The following AGBL1 variants were observed in gnomAD, a reference collection of about 807,000 sequenced individuals.
AGBL1 encodes cytosolic carboxypeptidase 4.
Under a neutral mutation model 118.9 loss-of-function variants are expected in AGBL1, and 130 were observed. That is an observed-to-expected ratio of 1.09 (90% CI 0.95 to 1.26). The LOEUF (loss-of-function observed/expected upper bound fraction) is 1.26, where lower values mean the gene tolerates loss of function less well. Ranked by LOEUF, AGBL1 falls within the 50% of genes most tolerant of loss-of-function variation. The pLI is 0.00. For missense variants in AGBL1, 1,584 were observed against 1,298.1 expected (o/e 1.22, Z -3.38); for synonymous variants, 555 against 478.9 (o/e 1.16, Z -2.08).
chr15:86,986,235 T>C (rs2081281070), intron 23 of AGBL1, among the ~76,000 whole-genome samples: 1 of 152,198 alleles, frequency 6.6e-6, no homozygotes, highest in South Asian at 2.1e-4. Context: ...GGATATCAAT[T>C]GTTAGAGTAC....
At chr15:86,771,418 C>T (rs760353452) in intron 22 of AGBL1, among the ~76,000 whole-genome samples, 5 of 151,644 alleles carry the variant, frequency 3.3e-5, no homozygotes, top group Admixed American at 1.3e-4. Context: ...CTTTCCAATG[C>T]GCTTAATGGT....
At chr15:86,359,232 C>T (rs1297680215) in intron 17 of AGBL1, among the ~76,000 whole-genome samples, 1 of 151,904 alleles carries the variant, frequency 6.6e-6, no homozygotes, top group East Asian at 1.9e-4. Flanking sequence ...TATTCTTCAG[C>T]ATGTGGATAT....
chr15:86,174,915 G>T (rs892288287), intron 5 of AGBL1, among the ~76,000 whole-genome samples: 1 of 151,854 alleles, frequency 6.6e-6, no homozygotes, highest in Admixed American at 6.6e-5. Flanking sequence ...GCTATATTTT[G>T]TTGAGGACTT....
intron 23 of AGBL1, among the ~76,000 whole-genome samples, chr15:86,961,869 T>C (rs1338212694): frequency 6.6e-6 from 1 of 151,954 alleles, no homozygotes; most frequent in East Asian, 1.9e-4. Context: ...CCTAGGATAA[T>C]CTTGATTCAG....
At chr15:86,588,070 T>A (rs1368269442) in intron 21 of AGBL1, among the ~76,000 whole-genome samples, 5 of 152,232 alleles carry the variant, frequency 3.3e-5, no homozygotes, top group Non-Finnish European at 7.3e-5. Context: ...TATAAACTTA[T>A]GTAAAGGTAT....
intron 22 of AGBL1, among the ~76,000 whole-genome samples, chr15:86,773,588 T>G (rs1416140064): frequency 6.8e-6 from 1 of 146,550 alleles, no homozygotes; most frequent in East Asian, 2.1e-4. Context: ...CACCTATGAG[T>G]GAGAACATGT....
At chr15:86,842,606 A>C (rs1170906033) in intron 22 of AGBL1, among the ~76,000 whole-genome samples, 1 of 152,234 alleles carries the variant, frequency 6.6e-6, no homozygotes, top group Non-Finnish European at 1.5e-5. Flanking sequence ...GGCTCATGCT[A>C]ATATAAAGAA....
intron 17 of AGBL1, among the ~76,000 whole-genome samples, chr15:86,332,603 G>A (rs111732140): frequency 2.8e-5 from 4 of 145,048 alleles, no homozygotes; most frequent in Admixed American, 1.4e-4. Flanking sequence ...CCAAGATTGC[G>A]CCACTGCACT....
intron 21 of AGBL1, among the ~76,000 whole-genome samples, chr15:86,623,610 A>G (rs906327542): frequency 1.3e-5 from 2 of 152,222 alleles, no homozygotes; most frequent in Non-Finnish European, 2.9e-5. Flanking sequence ...GTTATCTGAT[A>G]GAAGCAGACA....
intron 21 of AGBL1, among the ~76,000 whole-genome samples, chr15:86,584,504 G>T (rs1399654728): frequency 6.6e-6 from 1 of 152,072 alleles, no homozygotes; most frequent in African/African-American, 2.4e-5. Flanking sequence ...GTATGTGTGT[G>T]ACTTTATTCT....
chr15:87,024,284 T>C (rs144740533), intron 24 of AGBL1, among the ~76,000 whole-genome samples: 4,372 of 151,762 alleles, frequency 0.029, 88 homozygotes, highest in Middle Eastern at 0.058. Context: ...CAATAAGAAA[T>C]AAAACAGGAG....
chr15:86,225,114 G>A (rs960051575), intron 6 of AGBL1, among the ~76,000 whole-genome samples, 163 bp downstream of exon 6: 2 of 150,144 alleles, frequency 1.3e-5, no homozygotes, highest in Non-Finnish European at 1.5e-5. Context: ...AAGTCATGTC[G>A]TGGGTCTTTG....
intron 1 of AGBL1, among the ~76,000 whole-genome samples, chr15:86,087,885 A>G (rs1243167483): frequency 6.6e-6 from 1 of 152,228 alleles, no homozygotes; most frequent in African/African-American, 2.4e-5. Flanking sequence ...CTGGGGAAAG[A>G]TGGAGACCCT....
chr15:86,878,547 G>A (rs562058894), intron 22 of AGBL1, among the ~76,000 whole-genome samples: 1 of 151,850 alleles, frequency 6.6e-6, no homozygotes, highest in African/African-American at 2.4e-5. Flanking sequence ...TTTCTCCTTC[G>A]CTTTTCTTTC....
At chr15:86,426,024 A>G (rs555019466) in intron 18 of AGBL1, among the ~76,000 whole-genome samples, 120 of 152,316 alleles carry the variant, frequency 7.9e-4, no homozygotes, top group African/African-American at 2.8e-3. Context: ...TGGGAGAGGT[A>G]GCAAACATTT....
chr15:86,394,540 A>G (rs2081335272), intron 17 of AGBL1, among the ~76,000 whole-genome samples: 1 of 152,140 alleles, frequency 6.6e-6, no homozygotes, highest in Non-Finnish European at 1.5e-5. Context: ...AAACATGAGT[A>G]CAGTGGCCTA....
chr15:86,412,000 TA>T (rs1262152823), intron 18 of AGBL1, among the ~76,000 whole-genome samples: 1 of 152,198 alleles, frequency 6.6e-6, no homozygotes, highest in African/African-American at 2.4e-5. Flanking sequence ...GACTTATCCC[TA>T]GGTCTTTAAA....
At position 86,988,085 on chromosome 15, in the gene AGBL1, C is replaced by T. The variant is rs770936628; in HGVS notation, c.3320C>T (p.Ser1107Phe). 1.3e-5 allele frequency: 21 copies of T among 1,613,408 alleles called. No homozygotes were observed. The South Asian group carries it at 2.2e-4, about 17-fold the overall frequency. ...AAGATGAACCTTCTTCTGCATGTCT[C>T]CCCGTGAGTATGTCAGTTTCCTGAT... The change falls in exon 24 of 25, where the codon TCC becomes TTC. Residue 1107 changes from serine (S) to phenylalanine (F), a missense_variant. Ser to Phe is a radical substitution (Grantham distance 155, BLOSUM62 -2). Transcript: ENST00000441037.
At chr15:86,988,673 T>C (rs569808681) in intron 24 of AGBL1, among the ~76,000 whole-genome samples, 232 of 152,336 alleles carry the variant, frequency 1.5e-3, no homozygotes, top group Non-Finnish European at 2.7e-3. Flanking sequence ...ATTTTGGCAA[T>C]GCAAATAGTA....
Sources: allele counts gnomAD v4.1 joint callset (sites outside exome capture counted in the v4.1 genomes callset), GRCh38; gene constraint gnomAD v4.1.1; transcripts MANE v1.5; gene names NCBI Gene and HGNC (gene_info 2026-07-23, HGNC 2026-07-21).